The following RANBP2 variants were observed in gnomAD, a reference collection of about 807,000 sequenced individuals.
The protein encoded by RANBP2 is RAN binding protein 2, also known as E3 SUMO-protein ligase RanBP2.
Under a neutral mutation model 303.6 loss-of-function variants are expected in RANBP2, and 57 were observed. The ratio of observed to expected loss-of-function variants is 0.19; its 90% CI spans 0.15 to 0.23. RANBP2 has a LOEUF of 0.23. RANBP2 is among the 10% of genes least tolerant of loss of function. RANBP2 has a pLI of 1.00. For synonymous variants in RANBP2, 1,167 were observed against 1,301.5 expected (o/e 0.90, Z 2.23); for missense variants, 3,138 against 3,780.8 (o/e 0.83, Z 4.46).
chr2:109,618,357 G>GTAT, the RANBP2 span: 5 of 167,000 alleles, frequency 3.0e-5, no homozygotes, highest in Non-Finnish European at 5.9e-5. Flanking sequence ...TCAACAGTCA[G>GTAT]TATTATCTCT....
the RANBP2 span, among the ~76,000 whole-genome samples, chr2:109,570,715 G>T: frequency 6.6e-6 from 1 of 151,880 alleles, no homozygotes; most frequent in African/African-American, 2.4e-5. Flanking sequence ...GTAGAGATGG[G>T]GTTTCACTGT....
chr2:109,155,239 T>G, the RANBP2 span, among the ~76,000 whole-genome samples: 3 of 152,228 alleles, frequency 2.0e-5, no homozygotes, highest in Non-Finnish European at 4.4e-5. Flanking sequence ...CTATGCCTAT[T>G]TTATAGTATT....
chr2:109,441,272 A>G, the RANBP2 span, among the ~76,000 whole-genome samples: 9 of 152,232 alleles, frequency 5.9e-5, no homozygotes, highest in African/African-American at 1.9e-4. Flanking sequence ...AACTGACCCC[A>G]AATTGACATA....
At chr2:109,681,867 C>T in the RANBP2 span, among the ~76,000 whole-genome samples, 360 of 152,372 alleles carry the variant, frequency 2.4e-3, no homozygotes, top group African/African-American at 8.4e-3. Flanking sequence ...GACCAAACTC[C>T]CTGTGGGACT....
chr2:108,978,737 G>A, the RANBP2 span, among the ~76,000 whole-genome samples: 3 of 152,186 alleles, frequency 2.0e-5, no homozygotes, highest in Middle Eastern at 3.2e-3. Context: ...GCCCAACCCC[G>A]TGCAGGTTTT....
the RANBP2 span, among the ~76,000 whole-genome samples, chr2:108,966,879 G>A: frequency 6.6e-6 from 1 of 152,220 alleles, no homozygotes; most frequent in Admixed American, 6.5e-5. Flanking sequence ...GTGAAAGGGA[G>A]ACAGAGAGGG....
chr2:109,387,650 A>G, the RANBP2 span, among the ~76,000 whole-genome samples: 16 of 152,302 alleles, frequency 1.1e-4, no homozygotes, highest in Middle Eastern at 0.01. Flanking sequence ...GCAGCCCCTC[A>G]GCATATCCTC....
At chr2:109,291,184 C>G in the RANBP2 span, among the ~76,000 whole-genome samples, 10 of 152,006 alleles carry the variant, frequency 6.6e-5, no homozygotes, top group Non-Finnish European at 1.5e-4. Flanking sequence ...GGCACCATCT[C>G]ACATGATTCC....
chr2:109,272,900 A>G, the RANBP2 span, among the ~76,000 whole-genome samples: 1 of 152,194 alleles, frequency 6.6e-6, no homozygotes, highest in South Asian at 2.1e-4. Flanking sequence ...TTCCCTTGTC[A>G]TGCCAAGACA....
At chr2:108,822,061 G>A in the RANBP2 span, among the ~76,000 whole-genome samples, 1 of 151,986 alleles carries the variant, frequency 6.6e-6, no homozygotes, top group Non-Finnish European at 1.5e-5. Context: ...CTGTCTACAA[G>A]GGACTCATTT....
chr2:108,751,907 G>T lies in RANBP2; in HGVS notation c.1668G>T (p.Gln556His). Residue 556 changes from glutamine to histidine, a missense_variant, in exon 12 of 29, where the codon CAG becomes CAT. Physicochemically the swap from Gln to His is conservative, Grantham distance 24. Transcript: ENST00000283195. The part of the protein sequence containing the change: ...GNVAKLRLLV[Q>H]HEINTLRAQE... Reference sequence around the variant, plus strand: ...TAGCAAAATTGAGACTTCTAGTTCAGCATGAAATAAACACTCTAAGAGCCC... The same window carrying T: ...TAGCAAAATTGAGACTTCTAGTTCATCATGAAATAAACACTCTAAGAGCCC... 1.2e-6 allele frequency: 2 copies of T among 1,611,928 alleles called. No individual in the cohort carries two copies. Among genetic ancestry groups the T allele is most frequent in the Non-Finnish European group, 1.7e-6 (2 of 1,179,856 alleles).
chr2:108,921,965 C>T, the RANBP2 span, among the ~76,000 whole-genome samples: 6 of 152,228 alleles, frequency 3.9e-5, no homozygotes, highest in African/African-American at 1.4e-4. Context: ...CAGGCAAGGG[C>T]TGGGGGTGGG....
At chr2:109,580,827 T>C in the RANBP2 span, among the ~76,000 whole-genome samples, 1 of 152,208 alleles carries the variant, frequency 6.6e-6, no homozygotes, top group African/African-American at 2.4e-5. Flanking sequence ...ATGTCCCAGC[T>C]TCCTGACTGG....
intron 4 of RANBP2, among the ~76,000 whole-genome samples, chr2:108,733,220 C>T (rs1695315616): frequency 7.1e-6 from 1 of 140,888 alleles, no homozygotes; most frequent in South Asian, 2.3e-4. Context: ...TCCTTTACTT[C>T]TGAGTAGTAT....
At chr2:109,188,612 T>C in the RANBP2 span, among the ~76,000 whole-genome samples, 1 of 152,208 alleles carries the variant, frequency 6.6e-6, no homozygotes, top group East Asian at 1.9e-4. Context: ...GCAGTTTGCC[T>C]ATGGTGAGGG....
the RANBP2 span, among the ~76,000 whole-genome samples, chr2:109,482,991 C>T: frequency 5.3e-5 from 8 of 152,218 alleles, no homozygotes; most frequent in Non-Finnish European, 8.8e-5. Flanking sequence ...CACAATTTTT[C>T]TGTTTCTTTT....
the RANBP2 span, among the ~76,000 whole-genome samples, chr2:109,221,529 C>T: frequency 6.6e-6 from 1 of 151,074 alleles, no homozygotes; most frequent in African/African-American, 2.4e-5. Flanking sequence ...CTGCGGTAAG[C>T]CGCGATCGCG....
chr2:109,348,699 G>A, the RANBP2 span, among the ~76,000 whole-genome samples: 1 of 152,130 alleles, frequency 6.6e-6, no homozygotes, highest in African/African-American at 2.4e-5. Flanking sequence ...GCTCTGAGAG[G>A]CTTTGTAACT....
At chr2:108,873,540 CA>C in the RANBP2 span, 1 of 1,611,748 alleles carries the variant, frequency 6.2e-7, no homozygotes, top group Non-Finnish European at 8.5e-7. Context: ...GCTTGATCTT[CA>C]AATACTAGAA....
Sources: gnomAD v4.1 joint callset for allele counts (sites outside exome capture counted in the v4.1 genomes callset) on GRCh38, gnomAD v4.1.1 for gene constraint, MANE v1.5 for transcripts, NCBI Gene and HGNC (gene_info 2026-07-23, HGNC 2026-07-21) for gene names.